TASOR2: variants seen among roughly 807,000 people sequenced by gnomAD.
The protein encoded by TASOR2 is transcription activation suppressor family member 2.
TASOR2 carries 84 observed loss-of-function variants against 199.5 expected under a neutral mutation model. That is an observed-to-expected ratio of 0.42 (90% CI 0.35 to 0.50). The LOEUF is 0.50. Among genes scored for constraint, TASOR2 ranks in the 20% least tolerant of loss-of-function variants. The pLI, the probability that TASOR2 is intolerant of heterozygous loss-of-function variation, is 0.02. For synonymous variants in TASOR2, 1,103 were observed against 1,046.6 expected (o/e 1.05, Z -1.04); for missense variants, 2,796 against 2,835.9 (o/e 0.99, Z 0.32).
At chr10:5,745,515 C>T (rs538543988) in intron 14 of TASOR2, among the ~76,000 whole-genome samples, 19 of 152,258 alleles carry the variant, frequency 1.2e-4, no homozygotes, top group African/African-American at 4.3e-4. Flanking sequence ...CACAGTGGCT[C>T]ACACCTGTAA....
Position 5,751,750 on chromosome 10 carries a change from C to G in TASOR2, c.6606+1723C>G, listed in dbSNP as rs1006676118. 6.6e-6 allele frequency among the ~76,000 whole-genome samples: 1 copy of G among 152,204 alleles called. No individual in the cohort carries two copies. The highest frequency in any genetic ancestry group is 1.5e-5 in the Non-Finnish European group (1 of 68,032). Reference sequence around the variant, plus strand: ...CACTGCGTGAATGAACTCAGTGTCACTTGGTGTCTTTGCTTCTAGGTCCTC... The same window carrying G: ...CACTGCGTGAATGAACTCAGTGTCAGTTGGTGTCTTTGCTTCTAGGTCCTC... On this transcript the variant is annotated intron_variant, in intron 15 of 20. Transcript: ENST00000328090. The surrounding 1 kb of genome is among the most constrained non-coding windows in gnomAD (Gnocchi z 5.3).
exon 15 of TASOR2, chr10:5,747,741 A>G (rs781749954): frequency 7.4e-6 from 12 of 1,614,054 alleles, no homozygotes; most frequent in African/African-American, 4.0e-5. Context: ...AAATCTCCCA[A>G]TGTGAGTCAG....
At chr10:5,763,323 T>TA (rs1840168483) in exon 21 of TASOR2, 1 of 311,890 alleles carries the variant, frequency 3.2e-6, no homozygotes, top group Admixed American at 5.0e-5. Context: ...TTTACATGTT[T>TA]ACTTAGTTGG....
Position 5,762,526 on chromosome 10 carries a change from T to TTTTTTA in TASOR2, c.7175-6_7175-5insTTTTTA, listed in dbSNP as rs1554784518. On this transcript the variant is annotated splice_region_variant and splice_polypyrimidine_tract_variant and intron_variant, in intron 19 of 20. Coordinates refer to ENST00000328090, the Ensembl canonical transcript of TASOR2. ...ACCAAAAGTTGTTTTTTTTTTTTTT[T>TTTTTTA]AACAGACAAGCCTACTATCCCCAGA... 3.1e-5 allele frequency: 22 copies of TTTTTTA among 699,522 alleles called. No homozygotes were observed. Among genetic ancestry groups the TTTTTTA allele is most frequent in the Admixed American group, 9.5e-5 (3 of 31,616 alleles). 43.3% of individuals were successfully genotyped at this position (699,522 alleles called of 1,614,324 possible).
At chr10:5,747,527 T>C in exon 15 of TASOR2, 1 of 1,614,158 alleles carries the variant, frequency 6.2e-7, no homozygotes, top group Admixed American at 1.7e-5. Flanking sequence ...CCAGTTACTT[T>C]AATACTTTCT....
intron 2 of TASOR2, 74 bp downstream of exon 3, chr10:5,714,281 TATAAG>T: frequency 2.2e-6 from 2 of 922,258 alleles, no homozygotes; most frequent in African/African-American, 3.4e-5. Flanking sequence ...TCATTAGTTT[TATAAG>T]ATATGTATAT....
rs1837478192 is a variant in TASOR2 at position 5,748,107 on chromosome 10, G to A, written c.4686G>A (p.Leu1562=). 6.2e-6 allele frequency: 10 copies of A among 1,614,052 alleles called. No individual in the cohort carries two copies. The highest frequency in any genetic ancestry group is 5.9e-6 in the Non-Finnish European group (7 of 1,180,036). The change falls in exon 15 of 21, where the codon TTG becomes TTA. Residue 1562 remains leucine, a synonymous_variant. Coordinates refer to ENST00000328090, the Ensembl canonical transcript of TASOR2. The surrounding 1 kb of genome is among the most constrained non-coding windows in gnomAD (Gnocchi z 5.1). The stretch of plus-strand genomic sequence containing the variant: ...CAGTTAGTATAGAGAATAGAAATTT[G>A]GACTTAAAACATCTTGTCTTGGAGT...
exon 15 of TASOR2, chr10:5,746,987 G>A (rs1042113022): frequency 6.2e-7 from 1 of 1,614,146 alleles, no homozygotes; most frequent in Non-Finnish European, 8.5e-7. Flanking sequence ...CAGACTCAGA[G>A]TCTCCTCGGC....
chr10:5,730,751 A>C lies in TASOR2; in HGVS notation c.752A>C (p.Lys251Thr), dbSNP rs936029646. 6.2e-7 allele frequency: 1 copy of C among 1,614,212 alleles called. No individual in the cohort carries two copies. Among genetic ancestry groups the C allele is most frequent in the African/African-American group, 1.3e-5 (1 of 75,068 alleles). The change falls in exon 11 of 21, where the codon AAG becomes ACG. Residue 251 changes from lysine to threonine, a missense_variant. Coordinates refer to ENST00000328090, the Ensembl canonical transcript of TASOR2. The surrounding 1 kb of genome is among the most constrained non-coding windows in gnomAD (Gnocchi z 4.1). The stretch of plus-strand genomic sequence containing the variant: ...TTTGACTTGATTCCTCCAGCTGAAA[A>C]GTGCCCTTCAGAGTCTTTAACTCAG...
In TASOR2 at chr10:5,752,219, C is replaced by G. The variant is rs1190636154; in HGVS notation, c.6606+2192C>G. On this transcript the variant is annotated intron_variant, in intron 15 of 20. Coordinates refer to ENST00000328090, the Ensembl canonical transcript of TASOR2. The surrounding 1 kb of genome is among the most constrained non-coding windows in gnomAD (Gnocchi z 4.4). ...GCTTTTTTGTCATGATTCTTATAGT[C>G]TAATGGGACAAGGAAAACACTGATT... 6.6e-6 allele frequency among the ~76,000 whole-genome samples: 1 copy of G among 152,140 alleles called. No homozygotes were observed. Among genetic ancestry groups the G allele is most frequent in the Non-Finnish European group, 1.5e-5 (1 of 68,038 alleles).
Position 5,756,904 on chromosome 10 carries a change from G to C in TASOR2, c.6732+166G>C, listed in dbSNP as rs140035411. Among the ~76,000 whole-genome samples the C allele has an allele frequency of 9.3e-3, 1,415 of 152,256 alleles. 23 individuals carry two copies. Among genetic ancestry groups the C allele is most frequent in the African/African-American group, 0.032 (1,324 of 41,536 alleles). On this transcript the variant is annotated intron_variant, in intron 16 of 20. Coordinates refer to ENST00000328090, the Ensembl canonical transcript of TASOR2. ...TTATAGAATACTGCAATATTACCAA[G>C]TTATTTGTAGGGCAGATGGTTAAAA...
intron 10 of TASOR2, 141 bp downstream of exon 11, chr10:5,727,264 C>T (rs923119731): frequency 1.3e-6 from 1 of 793,540 alleles, no homozygotes; most frequent in South Asian, 1.7e-5. Context: ...CTGGTTCACC[C>T]TTCTTGACCT....
At chr10:5,756,530 GCTT>G in intron 15 of TASOR2, 80 bp from the exon 17 acceptor site, 1 of 1,437,516 alleles carries the variant, frequency 7.0e-7, no homozygotes. Context: ...AGACTATACT[GCTT>G]TTCATTATTT....
chr10:5,745,595 C>T (rs1402819126), intron 14 of TASOR2, among the ~76,000 whole-genome samples: 20 of 152,024 alleles, frequency 1.3e-4, no homozygotes, highest in Admixed American at 1.3e-4. Flanking sequence ...GCCTGGCCAA[C>T]GTGGCTAAAC....
exon 11 of TASOR2, chr10:5,731,063 T>A: frequency 2.5e-6 from 4 of 1,614,110 alleles, no homozygotes; most frequent in Non-Finnish European, 3.4e-6. Context: ...AAGGCCAGCA[T>A]GCCCCACATG....
chr10:5,746,764 G>T lies in TASOR2; in HGVS notation c.3343G>T (p.Val1115Phe). The change falls in exon 15 of 21, where the codon GTT becomes TTT. Residue 1115 changes from valine to phenylalanine, a missense_variant. Physicochemically the swap from Val to Phe is conservative, Grantham distance 50. This residue lies in a region of TASOR2 where 1,941 missense variants were observed against 1,924.9 expected (regional missense o/e 1.01). Transcript: ENST00000328090. ...CCTGAGGGACATTCCCTCTCTAGTA[G>T]TTGCAGGACAGAAGGGCACTAAGTA... The T allele has an allele frequency of 6.2e-7, 1 of 1,614,138 alleles. No individual in the cohort carries two copies. Among genetic ancestry groups the T allele is most frequent in the Admixed American group, 1.7e-5 (1 of 60,022 alleles).
At chr10:5,713,926 A>C (rs1398868934) in intron 2 of TASOR2, 1 of 340,182 alleles carries the variant, frequency 2.9e-6, no homozygotes, top group African/African-American at 2.1e-5. Flanking sequence ...GGCCAGATGC[A>C]GTTGTGCCTC....
chr10:5,685,986 C>G lies in TASOR2; in HGVS notation c.-288+811C>G, dbSNP rs1482145275. Among the ~76,000 whole-genome samples the G allele has an allele frequency of 6.6e-6, 1 of 152,122 alleles. No homozygotes were observed. Among genetic ancestry groups the G allele is most frequent in the African/African-American group, 2.4e-5 (1 of 41,406 alleles). ...CGCGATCCTAGAGTCTACAGTGTTC[C>G]CTGAATAAAACTAGGGGTGAGCCTG... On this transcript the variant is annotated intron_variant, in intron 1 of 20. Transcript: ENST00000328090. This position sits in a 1 kb window ranked among gnomAD's most constrained non-coding sequence, Gnocchi z 5.4.
chr10:5,749,483 C>T, exon 15 of TASOR2: 1 of 1,614,058 alleles, frequency 6.2e-7, no homozygotes, highest in Non-Finnish European at 8.5e-7. Context: ...TTCCCTTCGA[C>T]AAAAATCTCT....
Sources: allele counts gnomAD v4.1 joint callset (sites outside exome capture counted in the v4.1 genomes callset), GRCh38; gene constraint gnomAD v4.1.1; regional missense constraint gnomAD v4.1.1; non-coding constraint Gnocchi (gnomAD v3.1); transcripts MANE v1.5; gene names NCBI Gene and HGNC (gene_info 2026-07-23, HGNC 2026-07-21).